Variants in RNF34 observed in about 807,000 individuals in gnomAD.
RNF34 encodes E3 ubiquitin-protein ligase RNF34.
Under a neutral mutation model 37.9 loss-of-function variants are expected in RNF34, and 12 were observed. The observed-to-expected ratio is 0.32, with a 90% CI of 0.20 to 0.51. RNF34 has a LOEUF of 0.51. Among genes scored for constraint, RNF34 ranks in the 20% least tolerant of loss-of-function variants. The probability of loss-of-function intolerance (pLI) is 0.97; values close to 1 mark genes in which losing one functional copy is unlikely to be tolerated. For synonymous variants in RNF34, 155 were observed against 177.2 expected, an observed-to-expected ratio of 0.87 and a Z score of 1.00; for missense variants, 362 against 472.7, an observed-to-expected ratio of 0.77 and a Z score of 2.17.
intron 1 of RNF34, among the ~76,000 whole-genome samples, chr12:121,415,693 GACTGTAGA>G (rs1871499721): frequency 6.6e-6 from 1 of 152,024 alleles, no homozygotes; most frequent in South Asian, 2.1e-4. Flanking sequence ...ATCTGCCTTA[GACTGTAGA>G]ACTGTGGTGC....
At chr12:121,406,358 G>C (rs1870536056) in intron 1 of RNF34, among the ~76,000 whole-genome samples, 1 of 151,290 alleles carries the variant, frequency 6.6e-6, no homozygotes, top group African/African-American at 2.5e-5. Flanking sequence ...CGTGATCTCA[G>C]CTCACTGCAG....
chr12:121,420,149 C>A, intron 3 of RNF34, 93 bp from the exon 4 acceptor site: 2 of 1,168,548 alleles, frequency 1.7e-6, no homozygotes, highest in Non-Finnish European at 2.5e-6. Flanking sequence ...TGCTGGCTTT[C>A]TGGTCATCAT....
chr12:121,414,931 C>T (rs1871413425), intron 1 of RNF34, among the ~76,000 whole-genome samples: 1 of 152,144 alleles, frequency 6.6e-6, no homozygotes, highest in South Asian at 2.1e-4. Flanking sequence ...CCTGTGTCTA[C>T]CAAAACTACA....
chr12:121,410,373 C>T (rs1186234971), intron 1 of RNF34, among the ~76,000 whole-genome samples: 2 of 151,986 alleles, frequency 1.3e-5, no homozygotes, highest in East Asian at 3.9e-4. Context: ...CCCGTCTCTA[C>T]TAAAAATACA....
intron 1 of RNF34, chr12:121,402,649 T>C: frequency 1.4e-6 from 1 of 699,476 alleles, no homozygotes; most frequent in Non-Finnish European, 2.4e-6. Context: ...CCATTAATTG[T>C]GCTAATCTGG....
At chr12:121,401,006 C>G (rs1869936060) in intron 1 of RNF34, among the ~76,000 whole-genome samples, 1 of 152,084 alleles carries the variant, frequency 6.6e-6, no homozygotes, top group African/African-American at 2.4e-5. Context: ...CGAACTCAAA[C>G]CAAGTGGGAT....
intron 1 of RNF34, among the ~76,000 whole-genome samples, chr12:121,415,867 C>G (rs1555282096): frequency 8.1e-6 from 1 of 123,332 alleles, no homozygotes. Context: ...TTTTTACATG[C>G]CTGTGTACAT....
intron 2 of RNF34, 106 bp downstream of exon 2, chr12:121,416,483 A>G (rs1871585668): frequency 3.7e-6 from 3 of 819,652 alleles, no homozygotes; most frequent in Non-Finnish European, 6.0e-6. Flanking sequence ...TAAAAATATC[A>G]AAAGCTTAGT....
intron 1 of RNF34, among the ~76,000 whole-genome samples, chr12:121,403,935 GA>G (rs1555280336): frequency 6.6e-6 from 1 of 150,978 alleles, no homozygotes; most frequent in African/African-American, 2.4e-5. Flanking sequence ...ACTCTTACGA[GA>G]AGAGTCTATG....
At chr12:121,402,829 CAT>C (rs782604974) in intron 1 of RNF34, 173 of 1,518,198 alleles carry the variant, frequency 1.1e-4, no homozygotes, top group South Asian at 3.2e-4. Flanking sequence ...ATCTATAGCA[CAT>C]GTTATTGTAA....
intron 1 of RNF34, among the ~76,000 whole-genome samples, chr12:121,411,382 C>G (rs2136968063): frequency 1.3e-5 from 2 of 152,200 alleles, no homozygotes. Flanking sequence ...CACAGAGAAT[C>G]CATCTGTTTT....
chr12:121,402,505 C>T (rs1006633355), intron 1 of RNF34, among the ~76,000 whole-genome samples: 1 of 151,808 alleles, frequency 6.6e-6, no homozygotes, highest in East Asian at 1.9e-4. Flanking sequence ...CTCTCAGACT[C>T]AAGTAACTTT....
chr12:121,420,205 G>T, intron 3 of RNF34, 37 bp from the exon 4 acceptor site: 2 of 1,596,820 alleles, frequency 1.3e-6, no homozygotes, highest in South Asian at 2.2e-5. Context: ...AATACAGATT[G>T]ATTCCTGACC....
Position 121,401,354 on chromosome 12 carries a change from C to CAA in RNF34, c.6+1155_6+1156dup, listed in dbSNP as rs563285897. Among the ~76,000 whole-genome samples the CAA allele has an allele frequency of 6.6e-3, 505 of 76,772 alleles. 4 individuals are homozygous for CAA. Among genetic ancestry groups the CAA allele is most frequent in the Middle Eastern group, 0.024 (3 of 124 alleles). The allele number at this position is 76,772 out of a possible 152,430, so 50.4% of individuals were successfully genotyped here. ...TTACAAGGCAGAAGGCTATAGGTATCAAAAAAAAAAAAAAAAAAAAGGCAG... is the reference window on the plus strand; with the variant it reads ...TTACAAGGCAGAAGGCTATAGGTATCAAAAAAAAAAAAAAAAAAAAAAGGCAG... On this transcript the variant is annotated intron_variant, in intron 1 of 5. Coordinates refer to ENST00000361234, the MANE Select transcript of RNF34 (RefSeq NM_025126.4).
At chr12:121,422,362 T>C (rs1192628097) in intron 5 of RNF34, among the ~76,000 whole-genome samples, 1 of 152,178 alleles carries the variant, frequency 6.6e-6, no homozygotes, top group African/African-American at 2.4e-5. Flanking sequence ...GCTCCTCTGC[T>C]TTCCTAAGTT....
intron 1 of RNF34, among the ~76,000 whole-genome samples, chr12:121,414,397 T>G (rs1871369547): frequency 6.6e-6 from 1 of 152,144 alleles, no homozygotes; most frequent in South Asian, 2.1e-4. Flanking sequence ...ATTTATTCTT[T>G]TATGTATACT....
intron 1 of RNF34, among the ~76,000 whole-genome samples, chr12:121,409,087 C>T (rs2136928705): frequency 6.6e-6 from 1 of 152,154 alleles, no homozygotes; most frequent in African/African-American, 2.4e-5. Context: ...TCAAACGATT[C>T]TCCTGCCTCA....
At position 121,400,234 on chromosome 12, in the gene RNF34, A is replaced by G; in HGVS notation, c.6+16A>G. ...GGCCATGAAGGTGAGGGGCCGGTGG[A>G]GCCGGACAGACCCTCCTCGCCAATC... is the stretch of plus-strand genomic sequence containing the variant. On this transcript the variant is annotated intron_variant, in intron 1 of 5. Coordinates refer to ENST00000361234, the MANE Select transcript of RNF34 (RefSeq NM_025126.4). 3 of 1,607,946 alleles carry G rather than the reference A, an allele frequency of 1.9e-6. No homozygotes were observed. Among genetic ancestry groups the G allele is most frequent in the Non-Finnish European group, 2.5e-6 (3 of 1,178,240 alleles).
chr12:121,419,380 C>T (rs782282024), intron 3 of RNF34, among the ~76,000 whole-genome samples: 4 of 152,194 alleles, frequency 2.6e-5, no homozygotes, highest in African/African-American at 4.8e-5. Context: ...CAGAACGTCT[C>T]CTAGTCGTCA....
Sources: allele counts gnomAD v4.1 joint callset (sites outside exome capture counted in the v4.1 genomes callset), GRCh38; gene constraint gnomAD v4.1.1; transcripts MANE v1.5; gene names NCBI Gene and HGNC (gene_info 2026-07-23, HGNC 2026-07-21).